Variants in RANBP17 observed in about 807,000 individuals in gnomAD.
The protein encoded by RANBP17 is ran-binding protein 17.
A neutral mutation model predicts 141.2 loss-of-function variants in RANBP17; 158 were observed. That is an observed-to-expected ratio of 1.12 (90% confidence interval 0.98 to 1.28). The LOEUF (loss-of-function observed/expected upper bound fraction) is 1.28. RANBP17 is among the 50% of genes most tolerant of loss of function. RANBP17 has a pLI of 0.00. For synonymous variants in RANBP17, 430 were observed against 450.0 expected (o/e 0.96, Z 0.56); for missense variants, 1,438 against 1,290.7 (o/e 1.11, Z -1.75).
chr5:170,972,386 G>A (rs1292450558), intron 14 of RANBP17, among the ~76,000 whole-genome samples: 2 of 152,004 alleles, frequency 1.3e-5, no homozygotes, highest in Admixed American at 6.6e-5. Context: ...GTTTCACCAT[G>A]TTGGCCAGGC....
At chr5:170,986,803 A>G (rs779665688) in intron 14 of RANBP17, among the ~76,000 whole-genome samples, 13 of 151,870 alleles carry the variant, frequency 8.6e-5, no homozygotes, top group Non-Finnish European at 1.3e-4. Flanking sequence ...TTTCCCTGCA[A>G]TTGTTATGTC....
At chr5:171,109,917 A>T (rs1755102023) in intron 14 of RANBP17, among the ~76,000 whole-genome samples, 1 of 152,168 alleles carries the variant, frequency 6.6e-6, no homozygotes, top group Admixed American at 6.5e-5. Context: ...AGTTTTAATA[A>T]CTTGGGAAAC....
At chr5:171,081,882 T>C (rs929985250) in intron 14 of RANBP17, among the ~76,000 whole-genome samples, 2 of 152,138 alleles carry the variant, frequency 1.3e-5, no homozygotes, top group African/African-American at 4.8e-5. Flanking sequence ...CTTTCATGAA[T>C]CTGTTTTAGA....
chr5:171,024,403 A>G (rs1390641351), intron 14 of RANBP17, among the ~76,000 whole-genome samples: 1 of 152,180 alleles, frequency 6.6e-6, no homozygotes, highest in Non-Finnish European at 1.5e-5. Context: ...ATTCTTTTAC[A>G]TATTGTCTAT....
rs140627448 is a variant in RANBP17, at chr5:171,205,135, T to A, written c.2143-389T>A. 2.6e-3 allele frequency among the ~76,000 whole-genome samples: 400 copies of A among 152,306 alleles called. 2 individuals carry two copies. The highest frequency in any genetic ancestry group is 9.0e-3 in the African/African-American group (374 of 41,564). ...CTAGGATAGACTCTAAATTATGTTG[T>A]GGGGCCGCTTGCATGCAAGCCGATG... On this transcript the variant is annotated intron_variant, in intron 19 of 27. Transcript: ENST00000523189.
intron 25 of RANBP17, 132 bp downstream of exon 25, chr5:171,265,979 C>A: frequency 1.5e-6 from 1 of 679,732 alleles, no homozygotes; most frequent in Non-Finnish European, 2.4e-6. Flanking sequence ...TATATATTGT[C>A]TGGGAGTATT....
chr5:170,941,669 C>T (rs1484115594), intron 12 of RANBP17, among the ~76,000 whole-genome samples: 1 of 152,020 alleles, frequency 6.6e-6, no homozygotes, highest in East Asian at 1.9e-4. Flanking sequence ...ATAAATGGTG[C>T]ATATACAAAA....
intron 14 of RANBP17, among the ~76,000 whole-genome samples, chr5:170,993,222 G>T (rs1258228630): frequency 6.6e-6 from 1 of 151,950 alleles, no homozygotes; most frequent in African/African-American, 2.4e-5. Flanking sequence ...GTGTTCTCCT[G>T]TTCCAATAAC....
intron 27 of RANBP17, among the ~76,000 whole-genome samples, chr5:171,297,412 C>T (rs1251987495): frequency 1.3e-5 from 2 of 152,150 alleles, no homozygotes; most frequent in East Asian, 3.8e-4. Flanking sequence ...CCTGCACCAT[C>T]CTTTTATAAA....
At chr5:171,091,087 C>G (rs1047009494) in intron 14 of RANBP17, among the ~76,000 whole-genome samples, 3 of 152,136 alleles carry the variant, frequency 2.0e-5, no homozygotes, top group Non-Finnish European at 4.4e-5. Flanking sequence ...GTAGAACCAC[C>G]AACAGCTTGC....
chr5:171,051,206 G>T (rs982753057), intron 14 of RANBP17, among the ~76,000 whole-genome samples: 5 of 152,026 alleles, frequency 3.3e-5, no homozygotes, highest in African/African-American at 1.2e-4. Context: ...TATGTATTTT[G>T]CTGAACTTGA....
intron 14 of RANBP17, among the ~76,000 whole-genome samples, chr5:171,105,786 G>A (rs910260563): frequency 2.0e-5 from 3 of 152,080 alleles, no homozygotes; most frequent in Admixed American, 6.5e-5. Flanking sequence ...TTTAGAATCA[G>A]TTTTTTTAGA....
At chr5:170,926,740 C>T (rs561665778) in intron 12 of RANBP17, among the ~76,000 whole-genome samples, 86 of 152,142 alleles carry the variant, frequency 5.7e-4, no homozygotes, top group Non-Finnish European at 1.1e-3. Flanking sequence ...CAGTGCTATA[C>T]TCTGTCCTCC....
chr5:170,886,136 G>A (rs1304397516), intron 3 of RANBP17, among the ~76,000 whole-genome samples: 3 of 152,104 alleles, frequency 2.0e-5, no homozygotes, highest in Non-Finnish European at 4.4e-5. Context: ...AGTACCGTGT[G>A]TACCGTGTAT....
chr5:171,142,106 A>C (rs1180261587), intron 14 of RANBP17, among the ~76,000 whole-genome samples: 1 of 152,194 alleles, frequency 6.6e-6, no homozygotes, highest in Non-Finnish European at 1.5e-5. Flanking sequence ...CTGTATTGGA[A>C]ATAGAGGTGT....
chr5:171,181,483 T>A (rs1760857548), intron 16 of RANBP17, among the ~76,000 whole-genome samples: 1 of 151,242 alleles, frequency 6.6e-6, no homozygotes, highest in African/African-American at 2.4e-5. Context: ...CACAGTGCAC[T>A]GAGCACCTGC....
At chr5:170,974,859 G>A (rs931296630) in intron 14 of RANBP17, among the ~76,000 whole-genome samples, 1 of 152,198 alleles carries the variant, frequency 6.6e-6, no homozygotes, top group African/African-American at 2.4e-5. Flanking sequence ...ATGAGAATGT[G>A]GGGAGTGGAG....
chr5:171,252,265 C>T (rs1470490134), intron 24 of RANBP17: 12 of 1,559,418 alleles, frequency 7.7e-6, no homozygotes, highest in African/African-American at 5.5e-5. Flanking sequence ...ACAAAATGGC[C>T]GCTTACCTAA....
At chr5:171,056,585 C>T (rs1581510855) in intron 14 of RANBP17, among the ~76,000 whole-genome samples, 1 of 152,064 alleles carries the variant, frequency 6.6e-6, no homozygotes. Flanking sequence ...CCCAGGAAAG[C>T]CAAACACCAT....
Sources: allele counts gnomAD v4.1 joint callset (sites outside exome capture counted in the v4.1 genomes callset), GRCh38; gene constraint gnomAD v4.1.1; transcripts MANE v1.5; gene names NCBI Gene and HGNC (gene_info 2026-07-23, HGNC 2026-07-21).